Variants in SASH1 observed in about 807,000 individuals in gnomAD.
SASH1 encodes the protein SAM and SH3 domain containing 1.
A neutral mutation model predicts 125.2 loss-of-function variants in SASH1; 44 were observed. The observed-to-expected ratio is 0.35, with a 90% CI of 0.28 to 0.45. The LOEUF (loss-of-function observed/expected upper bound fraction) is 0.45. Among genes scored for constraint, SASH1 ranks in the 20% least tolerant of loss-of-function variants. The pLI, the probability that SASH1 is intolerant of heterozygous loss-of-function variation, is 1.00. For missense variants in SASH1, 1,426 were observed against 1,614.5 expected (o/e 0.88, Z 2.00); for synonymous variants, 639 against 649.1 (o/e 0.98, Z 0.24).
the SASH1 span, among the ~76,000 whole-genome samples, chr6:148,218,025 A>T: frequency 9.9e-5 from 15 of 150,990 alleles, no homozygotes; most frequent in African/African-American, 3.1e-4. Context: ...AAAAAAAAAA[A>T]AATAAATAAA....
chr6:148,286,476 G>A (rs1182143836), intron 1 of SASH1, among the ~76,000 whole-genome samples: 1 of 152,102 alleles, frequency 6.6e-6, no homozygotes, highest in African/African-American at 2.4e-5. Flanking sequence ...GGGTGGTGGA[G>A]TGGGGAGCTT....
the SASH1 span, among the ~76,000 whole-genome samples, chr6:148,256,854 TACAA>T: frequency 6.6e-6 from 1 of 152,142 alleles, no homozygotes; most frequent in Non-Finnish European, 1.5e-5. Context: ...TTTTAAAACT[TACAA>T]AATAAATAAA....
At chr6:148,224,736 T>C in the SASH1 span, among the ~76,000 whole-genome samples, 10 of 152,302 alleles carry the variant, frequency 6.6e-5, no homozygotes, top group East Asian at 1.9e-3. Context: ...CATAGTAATA[T>C]TGGGAATGAG....
intron 4 of SASH1, among the ~76,000 whole-genome samples, chr6:148,449,679 G>A (rs970735598): frequency 3.9e-5 from 6 of 152,134 alleles, no homozygotes; most frequent in Admixed American, 6.5e-5. Context: ...GAGCCACTGC[G>A]CCCAGTCGGA....
chr6:148,334,414 C>T (rs1184043351), intron 1 of SASH1, among the ~76,000 whole-genome samples: 2 of 101,982 alleles, frequency 2.0e-5, no homozygotes, highest in Admixed American at 1.5e-4. Context: ...GGCCACAGAG[C>T]GAGACTCCGT....
intron 4 of SASH1, among the ~76,000 whole-genome samples, chr6:148,454,690 G>T (rs1324255794): frequency 6.6e-6 from 1 of 152,176 alleles, no homozygotes; most frequent in Non-Finnish European, 1.5e-5. Context: ...TTTTAGACGG[G>T]CCACTGTCAG....
intron 8 of SASH1, chr6:148,513,696 C>G: frequency 1.0e-6 from 1 of 985,712 alleles, no homozygotes; most frequent in Non-Finnish European, 1.2e-6. Flanking sequence ...CCTTGTCTCT[C>G]TTGGAGGAAT....
chr6:148,416,451 T>G (rs1224579042), intron 2 of SASH1, among the ~76,000 whole-genome samples: 1 of 152,220 alleles, frequency 6.6e-6, no homozygotes, highest in Non-Finnish European at 1.5e-5. Flanking sequence ...TTTGCTCAAC[T>G]GTTAGATACA....
intron 5 of SASH1, among the ~76,000 whole-genome samples, chr6:148,469,847 G>A (rs118182385): frequency 0.07 from 10,593 of 152,006 alleles, 467 homozygotes; most frequent in Non-Finnish European, 0.1. Context: ...CCAATATGTC[G>A]AAACCTCATC....
At chr6:148,521,002 C>T (rs1435194556) in intron 10 of SASH1, among the ~76,000 whole-genome samples, 3 of 152,104 alleles carry the variant, frequency 2.0e-5, no homozygotes, top group Non-Finnish European at 4.4e-5. Flanking sequence ...AAATGCCTTC[C>T]CCTAGCCTAT....
intron 1 of SASH1, among the ~76,000 whole-genome samples, chr6:148,277,958 G>A (rs544825526): frequency 6.6e-5 from 10 of 151,796 alleles, no homozygotes; most frequent in East Asian, 1.9e-4. Context: ...CTCGTGATTC[G>A]CCTGCCTCAC....
intron 2 of SASH1, among the ~76,000 whole-genome samples, chr6:148,423,311 T>C (rs908595473): frequency 7.2e-5 from 11 of 152,216 alleles, no homozygotes; most frequent in Non-Finnish European, 1.5e-5. Flanking sequence ...AAAAGCAAAT[T>C]TGTGGCTGAT....
chr6:148,389,097 T>A (rs181367320), intron 1 of SASH1, among the ~76,000 whole-genome samples: 2 of 152,308 alleles, frequency 1.3e-5, no homozygotes, highest in Admixed American at 1.3e-4. Context: ...AATCCATTGC[T>A]CTAAAGGAAG....
At chr6:148,330,643 T>C (rs1288408341) in intron 1 of SASH1, among the ~76,000 whole-genome samples, 1 of 152,198 alleles carries the variant, frequency 6.6e-6, no homozygotes, top group Non-Finnish European at 1.5e-5. Context: ...TGGAGTGCAA[T>C]GGCACGATCT....
At chr6:148,390,635 A>G (rs1432525880) in intron 2 of SASH1, among the ~76,000 whole-genome samples, 2 of 151,988 alleles carry the variant, frequency 1.3e-5, no homozygotes, top group Non-Finnish European at 1.5e-5. Context: ...AAATAGAAAA[A>G]AAATTAGCCG....
chr6:148,263,189 A>G, the SASH1 span, among the ~76,000 whole-genome samples: 1 of 151,822 alleles, frequency 6.6e-6, no homozygotes, highest in African/African-American at 2.4e-5. Flanking sequence ...TGAGTCAGTG[A>G]ATGAATATGC....
chr6:148,239,255 A>G, the SASH1 span, among the ~76,000 whole-genome samples: 4 of 152,172 alleles, frequency 2.6e-5, no homozygotes, highest in African/African-American at 9.7e-5. Context: ...GGATGTGGGT[A>G]TTTCCTAAAG....
At chr6:148,355,037 G>T (rs1018916279) in intron 1 of SASH1, among the ~76,000 whole-genome samples, 2 of 152,272 alleles carry the variant, frequency 1.3e-5, no homozygotes, top group South Asian at 2.1e-4. Flanking sequence ...GGGATTACAG[G>T]CATGAGCCAC....
At chr6:148,249,731 G>C in the SASH1 span, among the ~76,000 whole-genome samples, 2 of 152,166 alleles carry the variant, frequency 1.3e-5, no homozygotes, top group Non-Finnish European at 1.5e-5. Context: ...ACATTACCCT[G>C]TTTCAACCTC....
Sources: gnomAD v4.1 joint callset for allele counts (sites outside exome capture counted in the v4.1 genomes callset) on GRCh38, gnomAD v4.1.1 for gene constraint, MANE v1.5 for transcripts, NCBI Gene and HGNC (gene_info 2026-07-23, HGNC 2026-07-21) for gene names.